Variants in PEG3 observed in about 807,000 individuals in gnomAD.
The protein encoded by PEG3 is paternally-expressed gene 3 protein.
Under a neutral mutation model 35.5 loss-of-function variants are expected in PEG3, and 23 were observed. The ratio of observed to expected loss-of-function variants is 0.65; its 90% CI spans 0.47 to 0.92. The LOEUF (loss-of-function observed/expected upper bound fraction) is 0.92. PEG3 is among the 40% of genes least tolerant of loss of function. The probability of loss-of-function intolerance (pLI) is 0.00; values close to 1 mark genes in which losing one functional copy is unlikely to be tolerated. For missense variants in PEG3, 1,960 were observed against 1,985.3 expected (o/e 0.99, Z 0.24); for synonymous variants, 707 against 697.0 (o/e 1.01, Z -0.23).
At chr19:56,839,799 C>A (rs1386359076) in intron 1 of PEG3, among the ~76,000 whole-genome samples, 2 of 152,144 alleles carry the variant, frequency 1.3e-5, no homozygotes, top group Admixed American at 1.3e-4. Context: ...CTCAGCCACC[C>A]TCATAAAAGA....
Position 56,811,994 on chromosome 19 carries a change from T to G in PEG3, c.*1681A>C, listed in dbSNP as rs1322682072. 2 of 985,140 alleles carry G rather than the reference T, an allele frequency of 2.0e-6. No individual in the cohort carries two copies. The highest frequency in any genetic ancestry group is 3.5e-5 in the African/African-American group (2 of 57,228). The allele number at this position is 985,140 out of a possible 1,614,324, so 61.0% of individuals were successfully genotyped here. ...CCTAAACTTTGACACTCCCTGCATC[T>G]TTGACATACTTCCAAGCCCTAATCC... On this transcript the variant is annotated 3_prime_UTR_variant, in exon 10 of 10. Transcript: ENST00000326441.
intron 2 of PEG3, among the ~76,000 whole-genome samples, chr19:56,831,573 A>G (rs1339307264): frequency 1.3e-5 from 2 of 152,236 alleles, no homozygotes; most frequent in African/African-American, 4.8e-5. Context: ...AGTGACAAAC[A>G]TACTTTGTTC....
rs2059777264 is a variant in PEG3, at chr19:56,814,334, C to G, written c.4108G>C (p.Ala1370Pro). Reference protein sequence around the residue: ...EDEAAAAAAAAAQEVEANVHV... With the variant: ...EDEAAAAAAAPAQEVEANVHV... ...ACATTGGCTTCAACTTCCTGGGCTG[C>G]TGCTGCTGCAGCTGCTGCTGCTTCA... is the stretch of plus-strand genomic sequence containing the variant. The change falls in exon 10 of 10, where the codon GCA becomes CCA. Residue 1370 changes from alanine (A) to proline (P), a missense_variant. This residue lies in a region of PEG3 where 416 missense variants were observed against 416.7 expected (regional missense o/e 1.00). Transcript: ENST00000326441. The surrounding 1 kb of genome is among the most constrained non-coding windows in gnomAD (Gnocchi z 5.8). The G allele has an allele frequency of 1.9e-6, 3 of 1,613,456 alleles. No individual in the cohort carries two copies. Among genetic ancestry groups the G allele is most frequent in the East Asian group, 4.5e-5 (2 of 44,864 alleles).
rs1187440479 is a variant in PEG3 at position 56,814,185 on chromosome 19, G to A, written c.4257C>T (p.Asn1419=). The A allele has an allele frequency of 9.3e-6, 15 of 1,612,890 alleles. No individual in the cohort carries two copies. Among genetic ancestry groups the A allele is most frequent in the Middle Eastern group, 1.6e-4 (1 of 6,082 alleles). The part of the protein sequence containing the change: ...AEPEVEAAEP[N]GEAEGPDGEA... Reference sequence around the variant, plus strand: ...CTCCATCTGGCCCTTCAGCCTCTCCGTTTGGCTCAGCAGCCTCCACTTCTG... The same window carrying A: ...CTCCATCTGGCCCTTCAGCCTCTCCATTTGGCTCAGCAGCCTCCACTTCTG... Residue 1419 remains asparagine (N), a synonymous_variant, in exon 10 of 10, where the codon AAC becomes AAT. Transcript: ENST00000326441. The surrounding 1 kb of genome is among the most constrained non-coding windows in gnomAD (Gnocchi z 5.8).
chr19:56,822,770 G>C lies in PEG3; in HGVS notation c.548C>G (p.Thr183Ser). The stretch of plus-strand genomic sequence containing the variant: ...AGACTCACTGCTTCTTGGGTTCCTG[G>C]TGTGGGACCAGCGGTCTCGTGGCTC... ...DMEPRDRWSH[T>S]RNPRSRMPPR... The change falls in exon 6 of 10, where the codon ACC (threonine) becomes AGC (serine). Residue 183 changes from threonine (T) to serine (S), a missense_variant. By Grantham distance (58) the Thr-to-Ser change is moderately conservative. Transcript: ENST00000326441. 1 of 1,614,122 alleles carries C rather than the reference G, an allele frequency of 6.2e-7. No homozygotes were observed. The highest frequency in any genetic ancestry group is 1.1e-5 in the South Asian group (1 of 91,048).
rs2060832692 is a variant in PEG3, at chr19:56,824,564, G to A, written c.92C>T (p.Pro31Leu). The part of the protein sequence containing the change: ...YELDSDLTKE[P>L]DVIIGEGPTD... ...TGGACCTTCTCCTATGATGACATCCGGCTCCTTAGTCAAGTCACTGTCTAG... is the reference window on the plus strand; with the variant it reads ...TGGACCTTCTCCTATGATGACATCCAGCTCCTTAGTCAAGTCACTGTCTAG... Residue 31 changes from proline to leucine, a missense_variant, in exon 4 of 10, where the codon CCG (proline) becomes CTG (leucine). Physicochemically the swap from Pro to Leu is moderately conservative, Grantham distance 98 (BLOSUM62 -3). This residue lies in a region of PEG3 where 613 missense variants were observed against 577.1 expected (regional missense o/e 1.06). Transcript: ENST00000326441. 18 of 1,614,010 alleles carry A rather than the reference G, an allele frequency of 1.1e-5. No individual in the cohort carries two copies. The highest frequency in any genetic ancestry group is 3.3e-5 in the Admixed American group (2 of 59,998).
In PEG3 at chr19:56,816,337, T is replaced by C; in HGVS notation, c.2105A>G (p.Glu702Gly). The C allele has an allele frequency of 1.2e-6, 2 of 1,614,174 alleles. No individual in the cohort carries two copies. Among genetic ancestry groups the C allele is most frequent in the South Asian group, 1.1e-5 (1 of 91,084 alleles). ...DAFMQSSELSEHQKIHSRKNL... is the reference protein window; with the variant it reads ...DAFMQSSELSGHQKIHSRKNL... ...CTTTCGAGAATGAATTTTCTGATGC[T>C]CACTGAGCTCTGAGCTTTGCATGAA... Residue 702 changes from glutamate to glycine, a missense_variant, in exon 10 of 10, where the codon GAG becomes GGG. By Grantham distance (98) the Glu-to-Gly change is moderately conservative (BLOSUM62 -2). Around this residue, in one of 5 missense-constraint regions of PEG3, gnomAD observed 798 missense variants for 782.4 expected, o/e 1.02. Transcript: ENST00000326441.
Position 56,836,052 on chromosome 19 carries a change from C to A in PEG3, c.-197G>T. 2.0e-6 allele frequency: 1 copy of A among 509,352 alleles called. No homozygotes were observed. The allele number at this position is 509,352 out of a possible 1,614,324, so 31.6% of individuals were successfully genotyped here. A position where few individuals can be genotyped will look rare whatever the true frequency, so the allele number is the denominator to read the frequency against. On this transcript the variant is annotated 5_prime_UTR_variant, in exon 2 of 10. The change creates a new upstream start codon in the 5' untranslated region. Transcript: ENST00000326441. ...GCCACCTAGCGTTTGGACCTAGTCC[C>A]TCTTCCTCTCGCCAGTCGTCTCCAA...
chr19:56,814,887 A>G lies in PEG3; in HGVS notation c.3555T>C (p.His1185=). 1 of 1,614,174 alleles carries G rather than the reference A, an allele frequency of 6.2e-7. No individual in the cohort carries two copies. Among genetic ancestry groups the G allele is most frequent in the Non-Finnish European group, 8.5e-7 (1 of 1,180,034 alleles). The change falls in exon 10 of 10, where the codon CAT becomes CAC. Residue 1185 remains histidine, a synonymous_variant. Coordinates refer to ENST00000326441, the MANE Select transcript of PEG3 (RefSeq NM_006210.3). The surrounding 1 kb of genome is among the most constrained non-coding windows in gnomAD (Gnocchi z 5.8). ...SSFLFEHQRI[H]EQDQLYSMKG... ...TCATGGAATACAACTGGTCTTGTTC[A>G]TGGATTCTCTGATGCTCGAAAAGGA...
Position 56,813,647 on chromosome 19 carries a change from A to G in PEG3, c.*28T>C, listed in dbSNP as rs777043046. The G allele has an allele frequency of 3.1e-6, 5 of 1,592,134 alleles. No homozygotes were observed. Among genetic ancestry groups the G allele is most frequent in the Non-Finnish European group, 4.3e-6 (5 of 1,166,544 alleles). Reference sequence around the variant, plus strand: ...TTTGGTAAGGGTCAAGTCCTAGGTGAAGGTTTTCTAACCTTTACCCCATGC... The same window carrying G: ...TTTGGTAAGGGTCAAGTCCTAGGTGGAGGTTTTCTAACCTTTACCCCATGC... On this transcript the variant is annotated 3_prime_UTR_variant, in exon 10 of 10. Transcript: ENST00000326441.
chr19:56,840,315 T>C (rs2062862407), intron 1 of PEG3, among the ~76,000 whole-genome samples: 1 of 152,098 alleles, frequency 6.6e-6, no homozygotes, highest in South Asian at 2.1e-4. Context: ...GACTGCAAGA[T>C]GGCGGCACCA....
intron 1 of PEG3, among the ~76,000 whole-genome samples, chr19:56,840,096 AT>A (rs1271732483): frequency 6.6e-6 from 1 of 152,144 alleles, no homozygotes; most frequent in Non-Finnish European, 1.5e-5. Flanking sequence ...AGGAAGGGGC[AT>A]TTTCGCAGCC....
At chr19:56,835,461 T>A (rs1490338213) in intron 2 of PEG3, among the ~76,000 whole-genome samples, 1 of 152,178 alleles carries the variant, frequency 6.6e-6, no homozygotes, top group East Asian at 1.9e-4. Flanking sequence ...ACTCTCCCCA[T>A]GACACACACC....
rs760221157 is a variant in PEG3, at chr19:56,814,002, G to A, written c.4440C>T (p.Asp1480=). ...GKAEEPEGDA[D]EPDGVGIEDP... is the part of the protein sequence containing the mutation. ...CTTCAATTCCCACACCGTCAGGCTC[G>A]TCGGCATCTCCCTCTGGCTCTTCAG... Residue 1480 remains aspartate, a synonymous_variant, in exon 10 of 10, where the codon GAC becomes GAT. Coordinates refer to ENST00000326441, the MANE Select transcript of PEG3 (RefSeq NM_006210.3). This position sits in a 1 kb window ranked among gnomAD's most constrained non-coding sequence, Gnocchi z 5.8. 3.4e-5 allele frequency: 55 copies of A among 1,613,882 alleles called. No homozygotes were observed. The highest frequency in any genetic ancestry group is 1.2e-4 in the Admixed American group (7 of 59,998).
At chr19:56,819,186 G>T (rs889779459) in intron 7 of PEG3, among the ~76,000 whole-genome samples, 1 of 152,088 alleles carries the variant, frequency 6.6e-6, no homozygotes, top group African/African-American at 2.4e-5. Context: ...AGTACTCAGG[G>T]AACAGAAAGA....
At chr19:56,835,819 T>C (rs930772220) in intron 2 of PEG3, among the ~76,000 whole-genome samples, 199 bp downstream of exon 2, 1 of 152,182 alleles carries the variant, frequency 6.6e-6, no homozygotes. Context: ...GGGAGGATAC[T>C]GAAATGGATG....
rs1185613086 is a variant in PEG3 at position 56,817,014 on chromosome 19, T to C, written c.1428A>G (p.Arg476=). The change falls in exon 10 of 10, where the codon AGA becomes AGG. Residue 476 remains arginine (R), a synonymous_variant. Coordinates refer to ENST00000326441, the MANE Select transcript of PEG3 (RefSeq NM_006210.3). ...EFVEHQIMHT[R]ENLYEYGESF... ...ACTCACCATACTCATAGAGGTTCTC[T>C]CTAGTATGCATGATCTGGTGCTCAA... The C allele has an allele frequency of 2.5e-6, 4 of 1,613,800 alleles. No homozygotes were observed. In the African/African-American group the frequency reaches 4.0e-5, roughly 16 times the overall value.
intron 6 of PEG3, chr19:56,822,450 G>C (rs890518431): frequency 3.0e-6 from 1 of 328,556 alleles, no homozygotes. Flanking sequence ...CTTCATACTA[G>C]TTTTCAATTT....
chr19:56,816,891 A>G lies in PEG3; in HGVS notation c.1551T>C (p.Ser517=). 6.2e-7 allele frequency: 1 copy of G among 1,614,062 alleles called. No homozygotes were observed. The highest frequency in any genetic ancestry group is 8.5e-7 in the Non-Finnish European group (1 of 1,179,980). The change falls in exon 10 of 10, where the codon AGT becomes AGC. Residue 517 remains serine (S), a synonymous_variant. Coordinates refer to ENST00000326441, the MANE Select transcript of PEG3 (RefSeq NM_006210.3). ...CKDCGETFNK[S]AALAEHRKIH... ...TCTTCCGATGTTCAGCCAAGGCGGCACTCTTATTGAAGGTCTCTCCACAGT... is the reference window on the plus strand; with the variant it reads ...TCTTCCGATGTTCAGCCAAGGCGGCGCTCTTATTGAAGGTCTCTCCACAGT...
Sources: allele counts gnomAD v4.1 joint callset (sites outside exome capture counted in the v4.1 genomes callset), GRCh38; gene constraint gnomAD v4.1.1; regional missense constraint gnomAD v4.1.1; non-coding constraint Gnocchi (gnomAD v3.1); transcripts MANE v1.5; gene names NCBI Gene and HGNC (gene_info 2026-07-23, HGNC 2026-07-21).